Variants in SLC7A7 observed in about 807,000 individuals in gnomAD.
SLC7A7 encodes the protein Y+L amino acid transporter 1.
In SLC7A7, 39 loss-of-function variants were observed where a neutral mutation model predicts 47.9. The ratio of observed to expected loss-of-function variants is 0.81; its 90% CI spans 0.63 to 1.06. The LOEUF (loss-of-function observed/expected upper bound fraction) is 1.06, where lower values mean the gene tolerates loss of function less well. SLC7A7 is among the 50% of genes least tolerant of loss of function. The probability of loss-of-function intolerance (pLI) is 0.00; values close to 1 mark genes in which losing one functional copy is unlikely to be tolerated. For missense variants in SLC7A7, 588 were observed against 632.0 expected, an observed-to-expected ratio of 0.93 and a Z score of 0.75; for synonymous variants, 234 against 242.8, an observed-to-expected ratio of 0.96 and a Z score of 0.34.
chr14:22,814,387 G>A (rs2039374662), intron 1 of SLC7A7, among the ~76,000 whole-genome samples: 1 of 151,930 alleles, frequency 6.6e-6, no homozygotes, highest in Admixed American at 6.6e-5. Flanking sequence ...GGGAGGCTGA[G>A]GCAGGAGAAT....
At position 22,773,335 on chromosome 14, in the gene SLC7A7, T is replaced by A; in HGVS notation, c.*275A>T. ...CCTTTTAAAAGAAAAGAGGAGTAGG[T>A]AGGCACACCCAGGTGCTTCTAAAAC... On this transcript the variant is annotated 3_prime_UTR_variant, in exon 10 of 10. Transcript: ENST00000674313. 1 of 557,094 alleles carries A rather than the reference T, an allele frequency of 1.8e-6. No individual in the cohort carries two copies. Among genetic ancestry groups the A allele is most frequent in the Non-Finnish European group, 3.4e-6 (1 of 294,418 alleles). 34.5% of individuals were successfully genotyped at this position (557,094 alleles called of 1,614,324 possible).
intron 2 of SLC7A7, among the ~76,000 whole-genome samples, chr14:22,803,279 C>T (rs1184036724): frequency 1.3e-5 from 2 of 151,808 alleles, no homozygotes; most frequent in East Asian, 3.9e-4. Context: ...ATTAGCCAGG[C>T]ACAGTGGCAG....
At chr14:22,774,996 A>G (rs1347513940) in intron 7 of SLC7A7, among the ~76,000 whole-genome samples, 1 of 152,094 alleles carries the variant, frequency 6.6e-6, no homozygotes, top group Non-Finnish European at 1.5e-5. Context: ...GGATTTTCTG[A>G]TGCTATTTCT....
chr14:22,816,408 G>GA (rs1450789069), upstream of SLC7A7: 2 of 151,998 alleles, frequency 1.3e-5, no homozygotes, highest in East Asian at 3.9e-4. Flanking sequence ...TGAGGCAGGA[G>GA]AATGAGGAGA....
chr14:22,774,083 A>G lies in SLC7A7; in HGVS notation c.1279T>C (p.Cys427Arg), dbSNP rs1258463652. Residue 427 changes from cysteine (C) to arginine (R), a missense_variant, in exon 9 of 10, where the codon TGC becomes CGC. Coordinates refer to ENST00000674313, the MANE Select transcript of SLC7A7 (RefSeq NM_003982.4). ...SVFFPIVFCL[C>R]TIFLVAVPLY... Reference sequence around the variant, plus strand: ...GGAACAGCCACCAGGAAGATGGTGCAGAGGCAGAAGACAATCGGGAAGAAA... The same window carrying G: ...GGAACAGCCACCAGGAAGATGGTGCGGAGGCAGAAGACAATCGGGAAGAAA... 6.2e-7 allele frequency: 1 copy of G among 1,614,236 alleles called. No individual in the cohort carries two copies.
chr14:22,793,107 C>G (rs1485502451), intron 2 of SLC7A7, among the ~76,000 whole-genome samples: 1 of 151,392 alleles, frequency 6.6e-6, no homozygotes, highest in Non-Finnish European at 1.5e-5. Context: ...TTAGTAGAGA[C>G]AGGGTTTCAC....
chr14:22,774,523 T>C lies in SLC7A7; in HGVS notation c.1096-20A>G. The C allele has an allele frequency of 6.2e-7, 1 of 1,614,108 alleles. No homozygotes were observed. The highest frequency in any genetic ancestry group is 1.1e-5 in the South Asian group (1 of 91,078). ...GATACCCTGTAAGCGTGAGCCTAAG[T>C]CAGCTCTTCTCAGGGCCTTTGTTAA... is the stretch of plus-strand genomic sequence containing the variant. On this transcript the variant is annotated intron_variant, in intron 7 of 9. Coordinates refer to ENST00000674313, the MANE Select transcript of SLC7A7 (RefSeq NM_003982.4).
chr14:22,818,737 G>A (rs1328174757), upstream of SLC7A7, among the ~76,000 whole-genome samples: 1 of 151,884 alleles, frequency 6.6e-6, no homozygotes. Context: ...GGGATTACAG[G>A]TGCCCGCCAC....
intron 2 of SLC7A7, among the ~76,000 whole-genome samples, chr14:22,807,476 G>GGATTA (rs1480054949): frequency 4.6e-5 from 7 of 152,146 alleles, no homozygotes; most frequent in Non-Finnish European, 8.8e-5. Flanking sequence ...GGAGGTAGGA[G>GGATTA]GATTACTTGA....
chr14:22,776,098 C>G lies in SLC7A7; in HGVS notation c.894+97G>C. ...CCCGGTATTCTAAATGAACTCCTTT[C>G]AAGGCTGTCTACCCCCTTTCCAGGA... On this transcript the variant is annotated intron_variant, in intron 5 of 9. Coordinates refer to ENST00000674313, the MANE Select transcript of SLC7A7 (RefSeq NM_003982.4). The G allele has an allele frequency of 2.6e-6, 4 of 1,562,366 alleles. No individual in the cohort carries two copies. The South Asian group carries it at 4.5e-5, about 17-fold the overall frequency.
chr14:22,807,781 G>A (rs2039238073), intron 2 of SLC7A7, among the ~76,000 whole-genome samples: 1 of 152,078 alleles, frequency 6.6e-6, no homozygotes, highest in African/African-American at 2.4e-5. Flanking sequence ...GGTCACAGGA[G>A]ACAGCTATAT....
intron 2 of SLC7A7, among the ~76,000 whole-genome samples, chr14:22,787,790 T>TGACTAAGATC (rs1470998785): frequency 5.4e-5 from 8 of 148,884 alleles, no homozygotes; most frequent in Non-Finnish European, 7.5e-5. Context: ...ATTAAAATGT[T>TGACTAAGATC]AGGCCGGGCA....
At chr14:22,788,710 A>G (rs550665636) in intron 2 of SLC7A7, among the ~76,000 whole-genome samples, 2 of 152,142 alleles carry the variant, frequency 1.3e-5, no homozygotes, top group Admixed American at 6.5e-5. Context: ...TCTGGGAAAA[A>G]AAAAAAAAAA....
chr14:22,800,443 A>C (rs1054938580), intron 2 of SLC7A7, among the ~76,000 whole-genome samples: 1 of 152,206 alleles, frequency 6.6e-6, no homozygotes, highest in Admixed American at 6.5e-5. Context: ...CTACCTATAG[A>C]GTATGACAGA....
chr14:22,799,421 T>C (rs2039070985), intron 2 of SLC7A7, among the ~76,000 whole-genome samples: 1 of 112,172 alleles, frequency 8.9e-6, no homozygotes, highest in African/African-American at 3.0e-5. Flanking sequence ...GTTCCTGTGG[T>C]TTCTTTTTCT....
At chr14:22,795,447 CTATTCT>C (rs1214273362) in intron 2 of SLC7A7, among the ~76,000 whole-genome samples, 16,189 of 38,806 alleles carry the variant, frequency 0.42, 1,148 homozygotes, top group East Asian at 0.51. Context: ...TCTTTCTTTT[CTATTCT>C]TTTCTTTTCT....
Position 22,773,917 on chromosome 14 carries a change from A to G in SLC7A7, c.1429+16T>C. The G allele has an allele frequency of 6.2e-7, 1 of 1,613,784 alleles. No homozygotes were observed. The highest frequency in any genetic ancestry group is 8.5e-7 in the Non-Finnish European group (1 of 1,180,026). ...GCTCTGCAATAGCTGAGCGGACTTA[A>G]GGATGCACGGCTTACCCACGATCCT... On this transcript the variant is annotated intron_variant, in intron 9 of 9. Coordinates refer to ENST00000674313, the MANE Select transcript of SLC7A7 (RefSeq NM_003982.4).
upstream of SLC7A7, chr14:22,815,903 G>A: frequency 2.8e-6 from 1 of 351,900 alleles, no homozygotes; most frequent in South Asian, 2.1e-5. Flanking sequence ...GAGATTACAG[G>A]AAGTGTAAGA....
intron 1 of SLC7A7, 165 bp downstream of exon 1, chr14:22,815,155 C>T (rs556488038): frequency 4.0e-5 from 14 of 353,048 alleles, no homozygotes; most frequent in South Asian, 1.1e-4. Flanking sequence ...TGGAAAACAC[C>T]GAACAGGAGA....
Sources: allele counts gnomAD v4.1 joint callset (sites outside exome capture counted in the v4.1 genomes callset), GRCh38; gene constraint gnomAD v4.1.1; transcripts MANE v1.5; gene names NCBI Gene and HGNC (gene_info 2026-07-23, HGNC 2026-07-21).